PROSER1: variants seen among roughly 807,000 people sequenced by gnomAD.
PROSER1 encodes proline and serine-rich protein 1.
Under a neutral mutation model 71.8 loss-of-function variants are expected in PROSER1, and 36 were observed. The ratio of observed to expected loss-of-function variants is 0.50; its 90% CI spans 0.38 to 0.66. The LOEUF (loss-of-function observed/expected upper bound fraction) is 0.66. Ranked by LOEUF, PROSER1 falls within the 30% of genes least tolerant of loss-of-function variation. The probability of loss-of-function intolerance (pLI) is 0.00; values close to 1 mark genes in which losing one functional copy is unlikely to be tolerated. For missense variants in PROSER1, 1,107 were observed against 1,135.0 expected, an observed-to-expected ratio of 0.98 and a Z score of 0.35; for synonymous variants, 490 against 452.4, an observed-to-expected ratio of 1.08 and a Z score of -1.06.
intron 3 of PROSER1, 53 bp from the exon 4 acceptor site, chr13:39,029,428 A>G (rs774016863): frequency 8.8e-6 from 9 of 1,026,706 alleles, no homozygotes; most frequent in Admixed American, 2.8e-5. Context: ...CATGCCAGAA[A>G]TTACCTTTTT....
intron 2 of PROSER1, among the ~76,000 whole-genome samples, chr13:39,032,836 G>A (rs971367244): frequency 6.6e-6 from 1 of 151,906 alleles, no homozygotes; most frequent in Non-Finnish European, 1.5e-5. Context: ...CAAAGTGGAA[G>A]CATCATTAAG....
rs774294238 is a variant in PROSER1, at chr13:39,011,387, A to G, written c.2813T>C (p.Leu938Pro). 1.2e-5 allele frequency: 20 copies of G among 1,614,056 alleles called. No homozygotes were observed. In the Admixed American group the frequency reaches 1.3e-4, roughly 11 times the overall value. Residue 938 changes from leucine (L) to proline (P), a missense_variant, in exon 13 of 13, where the codon CTG (leucine) becomes CCG (proline). Physicochemically the swap from Leu to Pro is moderately conservative, Grantham distance 98. Transcript: ENST00000352251. Reference protein sequence around the residue: ...PGTPFSLQPSLSQSGWQ With the variant: ...PGTPFSLQPSPSQSGWQ ...TATTCACTGCCACCCACTCTGGGAC[A>G]GGCTTGGTTGCAAAGAAAATGGTGT...
Position 39,014,157 on chromosome 13 carries a change from T to C in PROSER1, c.1095A>G (p.Leu365=), listed in dbSNP as rs1186353165. ...TGGCAGAAGGACCTGGCAGTGACACTAGGCCAGAAAAAATGGAAGGAACAG... is the reference window on the plus strand; with the variant it reads ...TGGCAGAAGGACCTGGCAGTGACACCAGGCCAGAAAAAATGGAAGGAACAG... ...TTPVPSIFSG[L]VSLPGPSATP... Residue 365 remains leucine (L), a synonymous_variant, in exon 11 of 13, where the codon CTA becomes CTG. Transcript: ENST00000352251. The C allele has an allele frequency of 1.9e-6, 3 of 1,614,026 alleles. No homozygotes were observed. The highest frequency in any genetic ancestry group is 1.1e-5 in the South Asian group (1 of 91,078).
intron 6 of PROSER1, 26 bp downstream of exon 6, chr13:39,026,251 A>G (rs777321923): frequency 2.1e-6 from 3 of 1,418,572 alleles, no homozygotes; most frequent in Non-Finnish European, 3.0e-6. Context: ...GAGAAGTTTC[A>G]TATACAGCTA....
At position 39,026,389 on chromosome 13, in the gene PROSER1, T is replaced by C; in HGVS notation, c.370-2A>G. 1 of 1,597,506 alleles carries C rather than the reference T, an allele frequency of 6.3e-7. No individual in the cohort carries two copies. Among genetic ancestry groups the C allele is most frequent in the Non-Finnish European group, 8.5e-7 (1 of 1,170,520 alleles). ...AGCTTTGCAGCCCCCCTTGAAAGCCTGTAATATAAGAAAGAAGAGGGGTAG... is the reference window on the plus strand; with the variant it reads ...AGCTTTGCAGCCCCCCTTGAAAGCCCGTAATATAAGAAAGAAGAGGGGTAG... On this transcript the variant is annotated splice_acceptor_variant, in intron 5 of 12. Coordinates refer to ENST00000352251, the MANE Select transcript of PROSER1 (RefSeq NM_025138.5). LOFTEE classifies it high-confidence loss of function.
intron 9 of PROSER1, among the ~76,000 whole-genome samples, chr13:39,019,202 T>C (rs1593531135): frequency 6.6e-6 from 1 of 151,804 alleles, no homozygotes; most frequent in Admixed American, 6.6e-5. Context: ...AACATACAAA[T>C]TGATTTTAAA....
chr13:39,017,928 T>G, intron 9 of PROSER1: 1 of 188,456 alleles, frequency 5.3e-6, no homozygotes, highest in South Asian at 1.1e-4. Flanking sequence ...CCTGCAGCTG[T>G]AGTGCAGAGA....
At chr13:39,037,154 G>C (rs911205719) in intron 1 of PROSER1, 44 bp downstream of exon 1, 2 of 1,409,502 alleles carry the variant, frequency 1.4e-6, no homozygotes, top group Non-Finnish European at 2.0e-6. Context: ...TCTAAAACAC[G>C]AGAATTCATC....
chr13:39,017,441 G>GT, intron 10 of PROSER1, 59 bp downstream of exon 10: 1 of 1,024,194 alleles, frequency 9.8e-7, no homozygotes, highest in Non-Finnish European at 1.5e-6. Context: ...TATTCTCAGT[G>GT]AATAACAGAG....
chr13:39,013,909 G>C lies in PROSER1; in HGVS notation c.1343C>G (p.Pro448Arg), dbSNP rs1332901604. The change falls in exon 11 of 13, where the codon CCT (proline) becomes CGT (arginine). Residue 448 changes from proline to arginine, a missense_variant. Transcript: ENST00000352251. The part of the protein sequence containing the change: ...PTSQGLSNPT[P>R]VIAGGSTPSV... ...GGGAGTAGAGCCACCAGCAATTACAGGAGTCGGGTTGGATAGGCCTTGGGA... is the reference window on the plus strand; with the variant it reads ...GGGAGTAGAGCCACCAGCAATTACACGAGTCGGGTTGGATAGGCCTTGGGA... 2 of 1,614,100 alleles carry C rather than the reference G, an allele frequency of 1.2e-6. No individual in the cohort carries two copies. Among genetic ancestry groups the C allele is most frequent in the Admixed American group, 3.3e-5 (2 of 60,010 alleles).
chr13:39,032,667 C>T (rs1870904187), intron 2 of PROSER1, among the ~76,000 whole-genome samples: 1 of 151,880 alleles, frequency 6.6e-6, no homozygotes, highest in East Asian at 1.9e-4. Flanking sequence ...CGTCTATGTC[C>T]TTAACTTTGA....
At chr13:39,034,872 G>C (rs1871025601) in intron 1 of PROSER1, among the ~76,000 whole-genome samples, 1 of 152,222 alleles carries the variant, frequency 6.6e-6, no homozygotes, top group Admixed American at 6.5e-5. Flanking sequence ...TATTCAGTAA[G>C]TGATGGTTCC....
At chr13:39,017,594 C>A in intron 9 of PROSER1, 50 bp from the exon 10 acceptor site, 1 of 968,374 alleles carries the variant, frequency 1.0e-6, no homozygotes, top group African/African-American at 1.7e-5. Context: ...CAAATATTTG[C>A]CACCATAATA....
chr13:39,012,430 C>T, intron 11 of PROSER1, 197 bp from the exon 12 acceptor site: 1 of 675,538 alleles, frequency 1.5e-6, no homozygotes, highest in Middle Eastern at 4.2e-4. Context: ...ATTCGAAATT[C>T]AGTAAGTCTG....
chr13:39,013,915 G>T lies in PROSER1; in HGVS notation c.1337C>A (p.Pro446Gln). ...LPPTSQGLSN[P>Q]TPVIAGGSTP... ...AGAGCCACCAGCAATTACAGGAGTC[G>T]GGTTGGATAGGCCTTGGGATGTTGG... is the stretch of plus-strand genomic sequence containing the variant. Residue 446 changes from proline to glutamine, a missense_variant, in exon 11 of 13, where the codon CCG (proline) becomes CAG (glutamine). Coordinates refer to ENST00000352251, the MANE Select transcript of PROSER1 (RefSeq NM_025138.5). 1 of 1,614,174 alleles carries T rather than the reference G, an allele frequency of 6.2e-7. No individual in the cohort carries two copies. Among genetic ancestry groups the T allele is most frequent in the Non-Finnish European group, 8.5e-7 (1 of 1,180,032 alleles).
At chr13:39,033,447 C>G (rs1458740218) in intron 2 of PROSER1, among the ~76,000 whole-genome samples, 2 of 152,200 alleles carry the variant, frequency 1.3e-5, no homozygotes, top group Non-Finnish European at 2.9e-5. Context: ...TTTACTAACT[C>G]AATATATACA....
intron 10 of PROSER1, among the ~76,000 whole-genome samples, chr13:39,015,356 A>G (rs1869959217): frequency 1.3e-5 from 2 of 152,206 alleles, no homozygotes; most frequent in East Asian, 1.9e-4. Context: ...CTTGGTGTCA[A>G]GGGATATCAT....
In PROSER1 at chr13:39,013,560, AG is replaced by A. The variant is rs1869812222; in HGVS notation, c.1691del (p.Ala564ValfsTer43). 3 of 1,614,040 alleles carry A rather than the reference AG, an allele frequency of 1.9e-6. No homozygotes were observed. The highest frequency in any genetic ancestry group is 2.5e-6 in the Non-Finnish European group (3 of 1,180,040). ...TLPVQSPLAT[A>X]ASASTSVPVS... is the part of the protein sequence containing the mutation. ...CTGGCACTGACGTGGAAGCTGATGCAGCAGTGGCTAAAGGAGACTGTACAGG... is the reference window on the plus strand; with the variant it reads ...CTGGCACTGACGTGGAAGCTGATGCACAGTGGCTAAAGGAGACTGTACAGG... On this transcript the variant is annotated frameshift_variant, in exon 11 of 13. Transcript: ENST00000352251. LOFTEE classifies it high-confidence loss of function.
At chr13:39,018,350 C>T (rs1247718865) in intron 9 of PROSER1, among the ~76,000 whole-genome samples, 2 of 152,100 alleles carry the variant, frequency 1.3e-5, no homozygotes, top group Non-Finnish European at 2.9e-5. Flanking sequence ...CCTCCACGCC[C>T]TGGTATAGTG....
Sources: gnomAD v4.1 joint callset for allele counts (sites outside exome capture counted in the v4.1 genomes callset) on GRCh38, gnomAD v4.1.1 for gene constraint, MANE v1.5 for transcripts, NCBI Gene and HGNC (gene_info 2026-07-23, HGNC 2026-07-21) for gene names.